Variants in MARK1 observed in about 807,000 individuals in gnomAD.
MARK1 encodes serine/threonine-protein kinase MARK1.
In MARK1, 40 loss-of-function variants were observed where a neutral mutation model predicts 96.3. That is an observed-to-expected ratio of 0.42 (90% confidence interval 0.32 to 0.54). The LOEUF is 0.54. MARK1 is among the 20% of genes least tolerant of loss of function. The pLI is 0.16. For missense variants in MARK1, 719 were observed against 984.6 expected (o/e 0.73, Z 3.61); for synonymous variants, 317 against 341.2 (o/e 0.93, Z 0.78).
At chr1:220,566,888 C>T (rs1286269797) in intron 1 of MARK1, among the ~76,000 whole-genome samples, 2 of 152,068 alleles carry the variant, frequency 1.3e-5, no homozygotes, top group Non-Finnish European at 2.9e-5. Flanking sequence ...AAACTGGTAA[C>T]ATCTGCTAAG....
chr1:220,636,181 G>A (rs566349339), intron 13 of MARK1, among the ~76,000 whole-genome samples, 155 bp downstream of exon 13: 7 of 152,218 alleles, frequency 4.6e-5, no homozygotes, highest in Non-Finnish European at 1.0e-4. Flanking sequence ...TCTCATAAAT[G>A]CAAGTTAAAA....
chr1:220,644,982 C>T (rs1401741833), intron 13 of MARK1, among the ~76,000 whole-genome samples: 3 of 152,066 alleles, frequency 2.0e-5, no homozygotes, highest in Non-Finnish European at 4.4e-5. Context: ...CTAGAAAGAT[C>T]TCAAATCAAC....
At chr1:220,541,311 TAA>T (rs1661131131) in intron 1 of MARK1, among the ~76,000 whole-genome samples, 1 of 152,120 alleles carries the variant, frequency 6.6e-6, no homozygotes, top group Non-Finnish European at 1.5e-5. Context: ...CTGCATCCCA[TAA>T]GTTTTGCTGT....
intron 1 of MARK1, among the ~76,000 whole-genome samples, chr1:220,567,582 C>T (rs1047448225): frequency 1.3e-5 from 2 of 152,022 alleles, no homozygotes; most frequent in African/African-American, 2.4e-5. Context: ...TAAAACAACT[C>T]GGATTAGGCC....
chr1:220,598,342 A>G lies in MARK1; in HGVS notation c.321A>G (p.Glu107=). 1 of 611,884 alleles carries G rather than the reference A, an allele frequency of 1.6e-6. No individual in the cohort carries two copies. The highest frequency in any genetic ancestry group is 2.8e-6 in the Non-Finnish European group (1 of 355,294). 37.9% of individuals were successfully genotyped at this position (611,884 alleles called of 1,614,324 possible). ...NPTSLQKLFR[E]VRIMKILNHP... is the part of the protein sequence containing the mutation. Reference sequence around the variant, plus strand: ...GTTTTCTTTAACAGTTATTTCGAGAAGTACGAATAATGAAGATACTGAATC... The same window carrying G: ...GTTTTCTTTAACAGTTATTTCGAGAGGTACGAATAATGAAGATACTGAATC... The change falls in exon 4 of 18, where the codon GAA becomes GAG. Residue 107 remains glutamate (E), a synonymous_variant. Coordinates refer to ENST00000366917, the MANE Select transcript of MARK1 (RefSeq NM_018650.5).
chr1:220,566,895 T>C (rs1237518013), intron 1 of MARK1, among the ~76,000 whole-genome samples: 2 of 152,150 alleles, frequency 1.3e-5, no homozygotes, highest in Non-Finnish European at 2.9e-5. Flanking sequence ...TAACATCTGC[T>C]AAGTAACTAC....
At chr1:220,626,751 G>A in intron 9 of MARK1, 1 of 337,072 alleles carries the variant, frequency 3.0e-6, no homozygotes, top group Non-Finnish European at 5.8e-6. Flanking sequence ...GCACCCTAGA[G>A]GCGGAGGTTG....
chr1:220,553,495 A>C (rs1662023510), intron 1 of MARK1, among the ~76,000 whole-genome samples: 1 of 152,238 alleles, frequency 6.6e-6, no homozygotes, highest in Non-Finnish European at 1.5e-5. Context: ...GGGGAGCAGG[A>C]GTATGGGTCA....
At chr1:220,598,964 G>T (rs1024672542) in intron 4 of MARK1, among the ~76,000 whole-genome samples, 22 of 151,974 alleles carry the variant, frequency 1.4e-4, no homozygotes, top group African/African-American at 5.3e-4. Context: ...AGACAACAGA[G>T]TGAGACCCTG....
Position 220,629,662 on chromosome 1 carries a change from A to G in MARK1, c.910-1373A>G, listed in dbSNP as rs892414284. On this transcript the variant is annotated intron_variant, in intron 9 of 17. Coordinates refer to ENST00000366917, the MANE Select transcript of MARK1 (RefSeq NM_018650.5). Reference sequence around the variant, plus strand: ...TTCTATTATACTTTATGTTCCTATGAGTTTAACTACTTTAGATAATCTGTA... The same window carrying G: ...TTCTATTATACTTTATGTTCCTATGGGTTTAACTACTTTAGATAATCTGTA... Among the ~76,000 whole-genome samples the G allele has an allele frequency of 4.7e-4, 72 of 152,210 alleles. 1 individual carries two copies. The highest frequency in any genetic ancestry group is 1.5e-3 in the African/African-American group (64 of 41,524).
chr1:220,647,098 G>A (rs757768072), intron 13 of MARK1, among the ~76,000 whole-genome samples: 3 of 151,956 alleles, frequency 2.0e-5, no homozygotes, highest in Non-Finnish European at 2.9e-5. Flanking sequence ...AAAATAAACT[G>A]TCATCAGAGT....
intron 1 of MARK1, among the ~76,000 whole-genome samples, chr1:220,537,061 A>G (rs1420793257): frequency 1.3e-5 from 2 of 150,246 alleles, no homozygotes; most frequent in African/African-American, 4.9e-5. Context: ...CATGTGGCAT[A>G]GTTTGTTGCA....
intron 1 of MARK1, among the ~76,000 whole-genome samples, chr1:220,530,913 C>A (rs1660271059): frequency 6.6e-6 from 1 of 151,782 alleles, no homozygotes; most frequent in African/African-American, 2.4e-5. Flanking sequence ...TGACACCTGT[C>A]AATTAATAAG....
At chr1:220,577,058 G>A (rs114859888) in intron 1 of MARK1, among the ~76,000 whole-genome samples, 1,692 of 152,148 alleles carry the variant, frequency 0.011, 26 homozygotes, top group African/African-American at 0.039. Flanking sequence ...AGGAGTTTGA[G>A]AACAGCCTGG....
At chr1:220,626,013 A>G in intron 9 of MARK1, 1 of 550,280 alleles carries the variant, frequency 1.8e-6, no homozygotes, top group Non-Finnish European at 3.6e-6. Context: ...GCAGATGCAG[A>G]TTCAACGTCA....
intron 6 of MARK1, among the ~76,000 whole-genome samples, chr1:220,613,512 C>T (rs1282434035): frequency 6.6e-6 from 1 of 152,078 alleles, no homozygotes; most frequent in Non-Finnish European, 1.5e-5. Context: ...TTATCTGTTG[C>T]ATACCTTCAG....
intron 2 of MARK1, 67 bp from the exon 3 acceptor site, chr1:220,580,998 T>A (rs1016065352): frequency 3.2e-6 from 2 of 623,606 alleles, no homozygotes; most frequent in East Asian, 3.1e-5. Flanking sequence ...GAAATTGGAT[T>A]TTTTGAAAGT....
intron 3 of MARK1, among the ~76,000 whole-genome samples, chr1:220,590,883 A>G (rs1295406312): frequency 6.6e-6 from 1 of 152,176 alleles, no homozygotes; most frequent in Non-Finnish European, 1.5e-5. Flanking sequence ...ATTAAACAAT[A>G]TACTCAAGAC....
Position 220,632,180 on chromosome 1 carries a change from TTC to T in MARK1, c.1010-17_1010-16del. ...GAAAATAAAACCATTTTCAGAAAAT[TTC>T]TCTTTTTTAAATTTCTAGACATTAT... On this transcript the variant is annotated intron_variant, in intron 10 of 17. Coordinates refer to ENST00000366917, the MANE Select transcript of MARK1 (RefSeq NM_018650.5). 1 of 1,215,666 alleles carries T rather than the reference TTC, an allele frequency of 8.2e-7. No homozygotes were observed. The highest frequency in any genetic ancestry group is 1.9e-5 in the South Asian group (1 of 51,376). 75.3% of individuals were successfully genotyped at this position (1,215,666 alleles called of 1,614,324 possible).
Sources: allele counts gnomAD v4.1 joint callset (sites outside exome capture counted in the v4.1 genomes callset), GRCh38; gene constraint gnomAD v4.1.1; transcripts MANE v1.5; gene names NCBI Gene and HGNC (gene_info 2026-07-23, HGNC 2026-07-21).